Variants in GNAL observed in about 807,000 individuals in gnomAD.
GNAL encodes the protein G protein subunit alpha L.
Under a neutral mutation model 55.1 loss-of-function variants are expected in GNAL, and 18 were observed. The observed-to-expected ratio is 0.33, with a 90% CI of 0.23 to 0.48. The LOEUF (loss-of-function observed/expected upper bound fraction) is 0.48. GNAL is among the 20% of genes least tolerant of loss of function. The probability of loss-of-function intolerance (pLI) is 0.99; values close to 1 mark genes in which losing one functional copy is unlikely to be tolerated. For missense variants in GNAL, 412 were observed against 614.1 expected (o/e 0.67, Z 3.48); for synonymous variants, 253 against 237.0 (o/e 1.07, Z -0.62).
At position 11,754,069 on chromosome 18, in the gene GNAL, A is replaced by G. The variant is rs1598430522; in HGVS notation, c.624+124A>G. ...AACTTTCTTCGAAATCCAGCTCTCT[A>G]AATGCATAAGAGGAATACTTATTCT... is the stretch of plus-strand genomic sequence containing the variant. On this transcript the variant is annotated intron_variant, in intron 4 of 11. Coordinates refer to ENST00000334049, the MANE Select transcript of GNAL (RefSeq NM_182978.4). 15 of 740,920 alleles carry G rather than the reference A, an allele frequency of 2.0e-5. No homozygotes were observed. The East Asian group carries it at 3.8e-4, about 19-fold the overall frequency. 45.9% of individuals were successfully genotyped at this position (740,920 alleles called of 1,614,324 possible). A position where few individuals can be genotyped will look rare whatever the true frequency, so the allele number is the denominator to read the frequency against.
At chr18:11,767,833 C>A (rs555213020) in intron 4 of GNAL, among the ~76,000 whole-genome samples, 7 of 152,278 alleles carry the variant, frequency 4.6e-5, no homozygotes, top group Admixed American at 3.9e-4. Flanking sequence ...GCTTTTTTTT[C>A]TTCCTCTACC....
At chr18:11,817,878 C>T (rs575396254) in intron 4 of GNAL, among the ~76,000 whole-genome samples, 17 of 152,038 alleles carry the variant, frequency 1.1e-4, no homozygotes, top group African/African-American at 2.2e-4. Flanking sequence ...CGTGAGCCAC[C>T]GCGCACAACC....
chr18:11,875,088 C>T (rs182092330), intron 10 of GNAL, among the ~76,000 whole-genome samples: 2 of 152,122 alleles, frequency 1.3e-5, no homozygotes, highest in Non-Finnish European at 2.9e-5. Flanking sequence ...GCTAGAGGGT[C>T]GGCCATAGTG....
chr18:11,776,040 G>A (rs781470127), intron 4 of GNAL, among the ~76,000 whole-genome samples: 8 of 152,112 alleles, frequency 5.3e-5, no homozygotes, highest in African/African-American at 1.7e-4. Flanking sequence ...TTTATAATTC[G>A]CCCCTCCATT....
chr18:11,746,106 C>G lies in GNAL; in HGVS notation c.377-6747C>G, dbSNP rs189969576. On this transcript the variant is annotated intron_variant, in intron 1 of 11. Transcript: ENST00000334049. ...TCCATTGGAGCACTCCACGACTCCC[C>G]TTTTAAAAGTGGAGCCTTTTGTTCT... 2,259 of 524,818 alleles carry G rather than the reference C, an allele frequency of 4.3e-3. 59 individuals are homozygous for G. Among genetic ancestry groups the G allele is most frequent in the Admixed American group, 0.042 (2,037 of 48,546 alleles). 32.5% of individuals were successfully genotyped at this position (524,818 alleles called of 1,614,324 possible).
At chr18:11,878,070 A>G (rs2036574541) in intron 11 of GNAL, among the ~76,000 whole-genome samples, 2 of 152,256 alleles carry the variant, frequency 1.3e-5, no homozygotes, top group Non-Finnish European at 2.9e-5. Context: ...TTGTAAGACC[A>G]TAGCACATAA....
chr18:11,780,783 G>A (rs941020118), intron 4 of GNAL, among the ~76,000 whole-genome samples: 3 of 152,282 alleles, frequency 2.0e-5, no homozygotes, highest in East Asian at 1.9e-4. Flanking sequence ...CAGTAAATGT[G>A]AATTATTATT....
At chr18:11,837,561 G>T (rs1392274793) in intron 5 of GNAL, among the ~76,000 whole-genome samples, 2 of 152,160 alleles carry the variant, frequency 1.3e-5, no homozygotes, top group Non-Finnish European at 2.9e-5. Flanking sequence ...CAAAACCACA[G>T]TGACATTCCA....
At position 11,868,100 on chromosome 18, in the gene GNAL, G is replaced by A. The variant is rs1056254540; in HGVS notation, c.911-443G>A. Among the ~76,000 whole-genome samples, 1 of 152,118 alleles carries A rather than the reference G, an allele frequency of 6.6e-6. No individual in the cohort carries two copies. Among genetic ancestry groups the A allele is most frequent in the Non-Finnish European group, 1.5e-5 (1 of 68,004 alleles). Reference sequence around the variant, plus strand: ...AGATTGCGCCATTGCACTCCAGCCTGGGCAACAAGAGTGAAACTCTGTCTC... The same window carrying A: ...AGATTGCGCCATTGCACTCCAGCCTAGGCAACAAGAGTGAAACTCTGTCTC... On this transcript the variant is annotated intron_variant, in intron 8 of 11. Transcript: ENST00000334049. The surrounding 1 kb of genome is among the most constrained non-coding windows in gnomAD (Gnocchi z 4.0).
At chr18:11,815,216 G>A (rs976413985) in intron 4 of GNAL, among the ~76,000 whole-genome samples, 11 of 152,094 alleles carry the variant, frequency 7.2e-5, no homozygotes, top group African/African-American at 2.7e-4. Flanking sequence ...TATACTCATT[G>A]AAGCACCACA....
chr18:11,791,841 C>T (rs2034246824), intron 4 of GNAL, among the ~76,000 whole-genome samples: 2 of 152,094 alleles, frequency 1.3e-5, no homozygotes, highest in Admixed American at 6.5e-5. Flanking sequence ...CCAGGTGTGC[C>T]GAGAACTCCC....
At chr18:11,770,785 A>G (rs1034522213) in intron 4 of GNAL, among the ~76,000 whole-genome samples, 3 of 152,218 alleles carry the variant, frequency 2.0e-5, no homozygotes, top group Admixed American at 1.3e-4. Context: ...TTGAATGAAG[A>G]TATATCATTT....
chr18:11,813,498 G>T (rs1438482862), intron 4 of GNAL, among the ~76,000 whole-genome samples: 5 of 152,086 alleles, frequency 3.3e-5, no homozygotes, highest in East Asian at 1.9e-4. Context: ...GTGATTCTTC[G>T]AATCTTTTTT....
chr18:11,807,642 T>G (rs58296571), intron 4 of GNAL, among the ~76,000 whole-genome samples: 3 of 152,200 alleles, frequency 2.0e-5, no homozygotes, highest in African/African-American at 7.2e-5. Context: ...CAATTGGATG[T>G]GCAAGTCCAG....
At chr18:11,839,818 G>A (rs1247047220) in intron 5 of GNAL, among the ~76,000 whole-genome samples, 4 of 152,176 alleles carry the variant, frequency 2.6e-5, no homozygotes, top group Non-Finnish European at 4.4e-5. Context: ...AGCTGTAATC[G>A]TGCATTGTGT....
chr18:11,851,312 C>G, intron 5 of GNAL: 1 of 604,210 alleles, frequency 1.7e-6, no homozygotes, highest in East Asian at 3.0e-5. Context: ...TTACGTCCCA[C>G]AGGCCCCACC....
At chr18:11,838,236 G>GT (rs1449862886) in intron 5 of GNAL, among the ~76,000 whole-genome samples, 1 of 152,200 alleles carries the variant, frequency 6.6e-6, no homozygotes, top group Non-Finnish European at 1.5e-5. Flanking sequence ...AAGAAATGAA[G>GT]TCCTGATGCA....
intron 4 of GNAL, among the ~76,000 whole-genome samples, chr18:11,823,086 A>G (rs1381586900): frequency 1.3e-5 from 2 of 152,186 alleles, no homozygotes; most frequent in Admixed American, 6.5e-5. Flanking sequence ...ACCATGAGGC[A>G]GCGATGTCAC....
At chr18:11,715,698 AG>A (rs1229961447) in intron 1 of GNAL, among the ~76,000 whole-genome samples, 1 of 152,084 alleles carries the variant, frequency 6.6e-6, no homozygotes, top group Admixed American at 6.6e-5. Context: ...AATAAGCCAC[AG>A]GCCCATGGTC....
Sources: gnomAD v4.1 joint callset for allele counts (sites outside exome capture counted in the v4.1 genomes callset) on GRCh38, gnomAD v4.1.1 for gene constraint, Gnocchi (gnomAD v3.1) non-coding constraint, MANE v1.5 for transcripts, NCBI Gene and HGNC (gene_info 2026-07-23, HGNC 2026-07-21) for gene names.